Variants in NCKAP5 observed in about 807,000 individuals in gnomAD.
The protein encoded by NCKAP5 is NCK associated protein 5.
NCKAP5 carries 92 observed loss-of-function variants against 167.0 expected under a neutral mutation model. The observed-to-expected ratio is 0.55, with a 90% CI of 0.47 to 0.66. The LOEUF (loss-of-function observed/expected upper bound fraction) is 0.66. NCKAP5 is among the 30% of genes least tolerant of loss of function. NCKAP5 has a pLI of 0.00. For synonymous variants in NCKAP5, 891 were observed against 877.4 expected (o/e 1.02, Z -0.27); for missense variants, 2,378 against 2,315.0 (o/e 1.03, Z -0.56).
intron 3 of NCKAP5, among the ~76,000 whole-genome samples, chr2:133,463,424 C>T (rs1009523865): frequency 2.0e-5 from 3 of 152,214 alleles, no homozygotes; most frequent in African/African-American, 7.2e-5. Flanking sequence ...CCACTCTGAA[C>T]ATTCCTTTTC....
At chr2:132,730,923 A>G (rs965666205) in intron 17 of NCKAP5, among the ~76,000 whole-genome samples, 2 of 152,254 alleles carry the variant, frequency 1.3e-5, no homozygotes, top group South Asian at 2.1e-4. Flanking sequence ...ACATTTATTC[A>G]AAGATTTATA....
chr2:132,799,129 C>T (rs570779302), intron 11 of NCKAP5, among the ~76,000 whole-genome samples: 1 of 152,150 alleles, frequency 6.6e-6, no homozygotes, highest in South Asian at 2.1e-4. Context: ...GGCCATAATC[C>T]TATGTGAATT....
intron 6 of NCKAP5, among the ~76,000 whole-genome samples, chr2:133,102,590 G>A (rs554786875): frequency 5.9e-5 from 9 of 152,168 alleles, no homozygotes; most frequent in African/African-American, 2.2e-4. Context: ...AGATCATTCC[G>A]CTCTCTCTTA....
At chr2:133,206,083 T>C (rs1383095518) in intron 5 of NCKAP5, among the ~76,000 whole-genome samples, 1 of 152,162 alleles carries the variant, frequency 6.6e-6, no homozygotes, top group African/African-American at 2.4e-5. Context: ...AACAATAAAA[T>C]GAGGCAATGA....
chr2:133,066,335 A>G (rs1390175871), intron 6 of NCKAP5, among the ~76,000 whole-genome samples: 3 of 152,140 alleles, frequency 2.0e-5, no homozygotes, highest in Non-Finnish European at 4.4e-5. Context: ...ATCATCTAAA[A>G]CCCGTCTTCT....
chr2:133,373,969 C>T (rs1685971533), intron 3 of NCKAP5, among the ~76,000 whole-genome samples: 1 of 152,044 alleles, frequency 6.6e-6, no homozygotes, highest in Admixed American at 6.6e-5. Context: ...ATGGTAAAAC[C>T]CTATATGTAG....
At position 133,539,701 on chromosome 2, in the gene NCKAP5, T is replaced by C. The variant is rs189572669; in HGVS notation, c.-62+19349A>G. ...GACAATCAAAGGGATAATTAATGAA[T>C]TAAAAACTTATGCTGATGAATCCAC... On this transcript the variant is annotated intron_variant, in intron 2 of 19. Coordinates refer to ENST00000409261, the MANE Select transcript of NCKAP5 (RefSeq NM_207363.3). Among the ~76,000 whole-genome samples, 226 of 151,916 alleles carry C rather than the reference T, an allele frequency of 1.5e-3. 2 individuals carry two copies. The highest frequency in any genetic ancestry group is 5.0e-3 in the African/African-American group (207 of 41,426).
At position 132,709,863 on chromosome 2, in the gene NCKAP5, A is replaced by C. The variant is rs1448743361; in HGVS notation, c.5713+15764T>G. The stretch of plus-strand genomic sequence containing the variant: ...ATGAGATCAGTATTATTTTGACATC[A>C]AAGTACACGACAAAGTACAAGAAAA... On this transcript the variant is annotated intron_variant, in intron 19 of 19. Transcript: ENST00000409261. 2.0e-5 allele frequency among the ~76,000 whole-genome samples: 3 copies of C among 152,150 alleles called. No homozygotes were observed. In the East Asian group the frequency reaches 5.8e-4, roughly 29 times the overall value.
At chr2:133,119,810 C>G (rs926493699) in intron 6 of NCKAP5, among the ~76,000 whole-genome samples, 4 of 151,802 alleles carry the variant, frequency 2.6e-5, no homozygotes, top group Non-Finnish European at 4.4e-5. Context: ...TGATCATAAG[C>G]AAGTTACCTC....
chr2:132,774,077 C>CCGCACT (rs1682334536), intron 15 of NCKAP5, among the ~76,000 whole-genome samples, 183 bp from the exon 16 acceptor site: 3 of 152,070 alleles, frequency 2.0e-5, no homozygotes, highest in Admixed American at 2.0e-4. Context: ...TTCTACTTTT[C>CCGCACT]CGCACTCCAT....
chr2:133,631,507 T>C, the NCKAP5 span, among the ~76,000 whole-genome samples: 116 of 152,352 alleles, frequency 7.6e-4, no homozygotes, highest in Middle Eastern at 3.4e-3. Flanking sequence ...TAAATGGCCA[T>C]GTACCTTCAA....
At chr2:132,716,011 G>A (rs1689339288) in intron 19 of NCKAP5, among the ~76,000 whole-genome samples, 1 of 152,154 alleles carries the variant, frequency 6.6e-6, no homozygotes, top group South Asian at 2.1e-4. Context: ...GCTGTCCTGT[G>A]CATTGTAAGG....
intron 8 of NCKAP5, among the ~76,000 whole-genome samples, chr2:132,958,611 C>A (rs532919382): frequency 4.6e-5 from 7 of 152,162 alleles, no homozygotes; most frequent in Non-Finnish European, 7.3e-5. Flanking sequence ...TCATCTTCTT[C>A]CATTTTTTAA....
chr2:133,195,558 T>C (rs996842039), intron 5 of NCKAP5, among the ~76,000 whole-genome samples: 9 of 152,182 alleles, frequency 5.9e-5, no homozygotes, highest in African/African-American at 1.9e-4. Flanking sequence ...ATTTTCCTTG[T>C]CTGGGCCATT....
At chr2:133,589,930 C>T in the NCKAP5 span, among the ~76,000 whole-genome samples, 913 of 152,338 alleles carry the variant, frequency 6.0e-3, 28 homozygotes, top group Admixed American at 0.053. Flanking sequence ...CTCCCAGTTG[C>T]CTGAAAGCAA....
At chr2:133,431,892 G>A (rs1690183349) in intron 3 of NCKAP5, 2 of 152,110 alleles carry the variant, frequency 1.3e-5, no homozygotes, top group South Asian at 2.1e-4. Flanking sequence ...GAGTATAAAG[G>A]TTCAAGAACT....
chr2:133,648,851 A>T, the NCKAP5 span, among the ~76,000 whole-genome samples: 1 of 143,472 alleles, frequency 7.0e-6, no homozygotes, highest in Non-Finnish European at 1.5e-5. Flanking sequence ...AAGGGAATTA[A>T]AAAAAAAAAA....
At chr2:133,514,349 T>G (rs1683799210) in intron 3 of NCKAP5, among the ~76,000 whole-genome samples, 1 of 152,226 alleles carries the variant, frequency 6.6e-6, no homozygotes, top group African/African-American at 2.4e-5. Flanking sequence ...GACATGTATA[T>G]GTGTGCACAC....
At chr2:133,503,714 C>T (rs1280726221) in intron 3 of NCKAP5, among the ~76,000 whole-genome samples, 1 of 152,210 alleles carries the variant, frequency 6.6e-6, no homozygotes, top group Non-Finnish European at 1.5e-5. Context: ...CATCTTCCTG[C>T]TCCTATTATA....
Sources: gnomAD v4.1 joint callset for allele counts (sites outside exome capture counted in the v4.1 genomes callset) on GRCh38, gnomAD v4.1.1 for gene constraint, MANE v1.5 for transcripts, NCBI Gene and HGNC (gene_info 2026-07-23, HGNC 2026-07-21) for gene names.